Variants in DAPK1 observed in about 807,000 individuals in gnomAD.
DAPK1 encodes death-associated protein kinase 1.
DAPK1 carries 56 observed loss-of-function variants against 144.9 expected under a neutral mutation model. The observed-to-expected ratio is 0.39, with a 90% CI of 0.31 to 0.48. DAPK1 has a LOEUF of 0.48. DAPK1 is among the 20% of genes least tolerant of loss of function. The pLI, the probability that DAPK1 is intolerant of heterozygous loss-of-function variation, is 0.95. For synonymous variants in DAPK1, 690 were observed against 749.0 expected, an observed-to-expected ratio of 0.92 and a Z score of 1.29; for missense variants, 1,454 against 1,875.4, an observed-to-expected ratio of 0.78 and a Z score of 4.15.
chr9:87,540,313 CTGA>C (rs1457248858), intron 2 of DAPK1, among the ~76,000 whole-genome samples: 1 of 151,250 alleles, frequency 6.6e-6, no homozygotes, highest in Non-Finnish European at 1.5e-5. Flanking sequence ...CCTCAGCCCC[CTGA>C]GTAGCTGGGA....
chr9:87,597,127 C>T (rs1319466722), intron 2 of DAPK1, among the ~76,000 whole-genome samples: 2 of 152,198 alleles, frequency 1.3e-5, no homozygotes, highest in African/African-American at 4.8e-5. Context: ...AGAACTCAAG[C>T]GGAAGTTCCA....
At chr9:87,530,586 C>T (rs541670797) in intron 2 of DAPK1, among the ~76,000 whole-genome samples, 2 of 152,290 alleles carry the variant, frequency 1.3e-5, no homozygotes, top group South Asian at 4.1e-4. Flanking sequence ...CACTGTACTT[C>T]TTCAGAAATT....
intron 2 of DAPK1, among the ~76,000 whole-genome samples, chr9:87,596,019 G>A (rs1224170107): frequency 6.6e-6 from 1 of 151,440 alleles, no homozygotes; most frequent in African/African-American, 2.4e-5. Context: ...TTGGTAAAAA[G>A]TATTGCTTTC....
chr9:87,584,960 A>T (rs1270806872), intron 2 of DAPK1, among the ~76,000 whole-genome samples: 1 of 152,220 alleles, frequency 6.6e-6, no homozygotes, highest in Non-Finnish European at 1.5e-5. Context: ...TACAAGCGTG[A>T]GCCACTGCGT....
intron 2 of DAPK1, among the ~76,000 whole-genome samples, chr9:87,520,861 A>C (rs1825272529): frequency 6.6e-6 from 1 of 152,228 alleles, no homozygotes; most frequent in Non-Finnish European, 1.5e-5. Context: ...CAAAGGGTAT[A>C]TAATACAATT....
rs1161473971 is a variant in DAPK1 at position 87,637,970 on chromosome 9, C to T, written c.312C>T (p.Phe104=). 1 of 1,614,028 alleles carries T rather than the reference C, an allele frequency of 6.2e-7. No individual in the cohort carries two copies. The highest frequency in any genetic ancestry group is 2.2e-5 in the East Asian group (1 of 44,890). The part of the protein sequence containing the change: ...ELVAGGELFD[F]LAEKESLTEE... ...TTGCAGGTGGCGAGCTGTTTGACTT[C>T]TTAGCTGAAAAGGAATCTTTAACTG... Residue 104 remains phenylalanine (F), a synonymous_variant, in exon 4 of 26, where the codon TTC becomes TTT. Transcript: ENST00000408954.
intron 3 of DAPK1, among the ~76,000 whole-genome samples, chr9:87,612,710 T>C (rs1384332184): frequency 1.3e-5 from 2 of 152,202 alleles, no homozygotes; most frequent in East Asian, 3.8e-4. Flanking sequence ...CTAATTATGG[T>C]AATGCCATCA....
Position 87,706,425 on chromosome 9 carries a change from T to G in DAPK1, c.3354T>G (p.Asp1118Glu). 1 of 1,613,496 alleles carries G rather than the reference T, an allele frequency of 6.2e-7. No homozygotes were observed. Among genetic ancestry groups the G allele is most frequent in the South Asian group, 1.1e-5 (1 of 90,956 alleles). ...ACAACCTGCACCGCTCCTGGGCTGA[T>G]GAGGAGGACGAGGTGATGGTGTATG... ...KTDNLHRSWA[D>E]EEDEVMVYGG... Residue 1118 changes from aspartate (D) to glutamate (E), a missense_variant, in exon 26 of 26, where the codon GAT becomes GAG. Asp to Glu is a conservative substitution (Grantham distance 45, BLOSUM62 2). Around this residue, in one of 2 missense-constraint regions of DAPK1, gnomAD observed 1,025 missense variants for 1,237.9 expected, o/e 0.83. Coordinates refer to ENST00000408954, the MANE Select transcript of DAPK1 (RefSeq NM_004938.4). This position sits in a 1 kb window ranked among gnomAD's most constrained non-coding sequence, Gnocchi z 9.0.
intron 2 of DAPK1, among the ~76,000 whole-genome samples, chr9:87,525,729 A>G (rs1398678169): frequency 6.6e-6 from 1 of 151,968 alleles, no homozygotes; most frequent in Non-Finnish European, 1.5e-5. Context: ...CAGACCTGGC[A>G]CTGTGGCCGC....
intron 2 of DAPK1, among the ~76,000 whole-genome samples, chr9:87,570,100 C>T (rs1043817198): frequency 1.3e-5 from 2 of 151,502 alleles, no homozygotes; most frequent in South Asian, 4.2e-4. Context: ...GAGTCACTTT[C>T]TATTTTTTTT....
intron 3 of DAPK1, among the ~76,000 whole-genome samples, chr9:87,622,845 C>T (rs1294022655): frequency 2.0e-5 from 3 of 151,882 alleles, no homozygotes; most frequent in East Asian, 1.9e-4. Flanking sequence ...CGGGAGGTGG[C>T]GGTTGCAGTG....
chr9:87,680,087 A>AATTTATTTATTT (rs58756761), intron 19 of DAPK1, among the ~76,000 whole-genome samples: 1 of 150,808 alleles, frequency 6.6e-6, no homozygotes, highest in African/African-American at 2.4e-5. Flanking sequence ...AATATTTTAA[A>AATTTATTTATTT]ATTTATTTAT....
chr9:87,498,784 G>A (rs1824283993), intron 1 of DAPK1, 186 bp from the exon 2 acceptor site: 2 of 463,150 alleles, frequency 4.3e-6, no homozygotes, highest in South Asian at 1.1e-4. Context: ...CGCGCGCGCG[G>A]GGCTGAGGGG....
chr9:87,703,550 G>A (rs1438857529), intron 25 of DAPK1, among the ~76,000 whole-genome samples: 1 of 152,094 alleles, frequency 6.6e-6, no homozygotes, highest in African/African-American at 2.4e-5. Context: ...TGCTACTCCT[G>A]GCAGCCTTCA....
rs75821848 is a variant in DAPK1 at position 87,511,460 on chromosome 9, A to G, written c.62+12321A>G. On this transcript the variant is annotated intron_variant, in intron 2 of 25. Transcript: ENST00000408954. ...TTCATGTTAAGGAGGATCTGTTAAG[A>G]TGGGAAGAGATGCATTTAAGGAAGC... Among the ~76,000 whole-genome samples, 443 of 152,130 alleles carry G rather than the reference A, an allele frequency of 2.9e-3. 3 individuals are homozygous for G. Among genetic ancestry groups the G allele is most frequent in the Admixed American group, 8.2e-3 (126 of 15,274 alleles).
In DAPK1 at chr9:87,658,110, G is replaced by A. The variant is rs547945641; in HGVS notation, c.1906G>A (p.Val636Ile). The change falls in exon 18 of 26, where the codon GTT becomes ATT. Residue 636 changes from valine (V) to isoleucine (I), a missense_variant. This residue lies in a region of DAPK1 where 1,025 missense variants were observed against 1,237.9 expected (regional missense o/e 0.83). Coordinates refer to ENST00000408954, the MANE Select transcript of DAPK1 (RefSeq NM_004938.4). ...VRYLCLMGAS[V>I]EALTTDGKTA... Reference sequence around the variant, plus strand: ...GTATCTCTGTCTGATGGGAGCCAGCGTTGAGGCGCTGACCACGGTGAGTGC... The same window carrying A: ...GTATCTCTGTCTGATGGGAGCCAGCATTGAGGCGCTGACCACGGTGAGTGC... The A allele has an allele frequency of 3.4e-5, 50 of 1,463,078 alleles. No homozygotes were observed. Among genetic ancestry groups the A allele is most frequent in the South Asian group, 1.3e-4 (11 of 87,182 alleles). 90.6% of individuals were successfully genotyped at this position (1,463,078 alleles called of 1,614,324 possible). A position where few individuals can be genotyped will look rare whatever the true frequency, so the allele number is the denominator to read the frequency against.
At chr9:87,643,854 T>C (rs1380134617) in intron 11 of DAPK1, among the ~76,000 whole-genome samples, 2 of 152,072 alleles carry the variant, frequency 1.3e-5, no homozygotes, top group Non-Finnish European at 2.9e-5. Flanking sequence ...AAAGAGCTTA[T>C]CCTAATTTTC....
Position 87,645,924 on chromosome 9 carries a change from C to G in DAPK1, c.1041C>G (p.Ala347=). The G allele has an allele frequency of 1.2e-6, 2 of 1,614,078 alleles. No homozygotes were observed. The highest frequency in any genetic ancestry group is 1.7e-6 in the Non-Finnish European group (2 of 1,179,958). Reference sequence around the variant, plus strand: ...AGGAAGACTCCTTTGTGATGAAAGCCATCATCCATGCCATCAACGATGACA... The same window carrying G: ...AGGAAGACTCCTTTGTGATGAAAGCGATCATCCATGCCATCAACGATGACA... ...LDEEDSFVMK[A]IIHAINDDNV... Residue 347 remains alanine (A), a synonymous_variant, in exon 12 of 26, where the codon GCC becomes GCG. Coordinates refer to ENST00000408954, the MANE Select transcript of DAPK1 (RefSeq NM_004938.4).
At chr9:87,694,221 C>A (rs941202045) in intron 21 of DAPK1, among the ~76,000 whole-genome samples, 1 of 152,016 alleles carries the variant, frequency 6.6e-6, no homozygotes, top group African/African-American at 2.4e-5. Flanking sequence ...ATGGGCTAGG[C>A]AGGCCAGTAC....
Sources: gnomAD v4.1 joint callset for allele counts (sites outside exome capture counted in the v4.1 genomes callset) on GRCh38, gnomAD v4.1.1 for gene constraint, gnomAD v4.1.1 regional missense constraint, Gnocchi (gnomAD v3.1) non-coding constraint, MANE v1.5 for transcripts, NCBI Gene and HGNC (gene_info 2026-07-23, HGNC 2026-07-21) for gene names.